The following ANAPC11 variants were observed in gnomAD, a reference collection of about 807,000 sequenced individuals.
ANAPC11 encodes the protein anaphase-promoting complex subunit 11.
Under a neutral mutation model 11.8 loss-of-function variants are expected in ANAPC11, and 5 were observed. The ratio of observed to expected loss-of-function variants is 0.42; its 90% CI spans 0.22 to 0.89. ANAPC11 has a LOEUF of 0.89. ANAPC11 is among the 40% of genes least tolerant of loss of function. The pLI is 0.28. For synonymous variants in ANAPC11, 45 were observed against 41.0 expected (o/e 1.10, Z -0.38); for missense variants, 68 against 112.9 (o/e 0.60, Z 1.80).
Position 81,891,741 on chromosome 17 carries a change from G to T in ANAPC11, c.-175G>T. On this transcript the variant is annotated 5_prime_UTR_variant, in exon 1 of 4. Transcript: ENST00000344877. Reference sequence around the variant, plus strand: ...GAGGCGCGTGCGCACTGGCGTGCGAGACTCGGCGGGCGCTGTTGAGGGAGT... The same window carrying T: ...GAGGCGCGTGCGCACTGGCGTGCGATACTCGGCGGGCGCTGTTGAGGGAGT... 3.8e-6 allele frequency: 2 copies of T among 520,164 alleles called. No homozygotes were observed. The highest frequency in any genetic ancestry group is 5.6e-6 in the Non-Finnish European group (2 of 360,182). The allele number at this position is 520,164 out of a possible 1,614,324, so 32.2% of individuals were successfully genotyped here.
upstream of ANAPC11, chr17:81,891,502 G>C (rs1487835625): frequency 3.9e-6 from 5 of 1,286,456 alleles, no homozygotes; most frequent in Admixed American, 5.7e-5. Context: ...CGGCCGCCTC[G>C]CTGGCTCCGG....
At chr17:81,891,446 G>A, upstream of ANAPC11, 4 of 1,021,196 alleles carry the variant, frequency 3.9e-6, no homozygotes, top group Non-Finnish European at 4.7e-6. Context: ...CCCCACCGCC[G>A]CGGCCGCCCT....
At chr17:81,891,371 G>A (rs1170218058), upstream of ANAPC11, 1 of 1,145,312 alleles carries the variant, frequency 8.7e-7, no homozygotes, top group Non-Finnish European at 1.1e-6. Flanking sequence ...CGGCCGCGCC[G>A]CGGGCGATGG....
At chr17:81,891,306 C>G, upstream of ANAPC11, 1 of 1,135,132 alleles carries the variant, frequency 8.8e-7, no homozygotes, top group South Asian at 3.9e-5. Flanking sequence ...TCCGGCGCGG[C>G]CGGCCTCCGC....
At chr17:81,891,227 T>C (rs1037808310), upstream of ANAPC11, 1 of 982,702 alleles carries the variant, frequency 1.0e-6, no homozygotes, top group Non-Finnish European at 1.2e-6. Context: ...ACCAGCCTTA[T>C]CCACCCGCCG....
intron 3 of ANAPC11, chr17:81,899,192 C>A: frequency 6.4e-7 from 1 of 1,562,206 alleles, no homozygotes; most frequent in Admixed American, 1.7e-5. Context: ...AGATCAGGGA[C>A]ACTCATTTCT....
intron 1 of ANAPC11, chr17:81,893,228 G>A (rs113130670): frequency 0.019 from 2,906 of 152,294 alleles, 38 homozygotes; most frequent in Non-Finnish European, 0.031. Flanking sequence ...GAGTAGCTGG[G>A]ATTACAGTTG....
At position 81,900,092 on chromosome 17, in the gene ANAPC11, G is replaced by A; in HGVS notation, c.*27G>A. The stretch of plus-strand genomic sequence containing the variant: ...GCCCGACCTGGCTCTCGCTGGAGGG[G>A]CATCCTGAGACTCCTTCCTCATGCT... On this transcript the variant is annotated 3_prime_UTR_variant, in exon 4 of 4. Transcript: ENST00000344877. 3 of 1,611,054 alleles carry A rather than the reference G, an allele frequency of 1.9e-6. No individual in the cohort carries two copies. The highest frequency in any genetic ancestry group is 1.6e-4 in the Middle Eastern group (1 of 6,062).
intron 3 of ANAPC11, among the ~76,000 whole-genome samples, chr17:81,897,377 G>A (rs550556039): frequency 1.4e-4 from 22 of 152,158 alleles, no homozygotes; most frequent in African/African-American, 4.8e-4. Context: ...CAGGTGATCC[G>A]TCCACCTCGG....
At chr17:81,897,848 C>T (rs2039795291) in intron 3 of ANAPC11, among the ~76,000 whole-genome samples, 1 of 152,124 alleles carries the variant, frequency 6.6e-6, no homozygotes. Flanking sequence ...CCAGGCTGGT[C>T]TCAAACTCTT....
At chr17:81,893,755 C>CTTTTTT (rs751340381) in intron 2 of ANAPC11, 141 bp downstream of exon 2, 2 of 123,790 alleles carry the variant, frequency 1.6e-5, no homozygotes, top group African/African-American at 6.2e-5. Flanking sequence ...CTTTTTTTTC[C>CTTTTTT]TTTTTTTTTT....
At chr17:81,895,415 A>G (rs900422428) in intron 3 of ANAPC11, among the ~76,000 whole-genome samples, 2 of 152,176 alleles carry the variant, frequency 1.3e-5, no homozygotes, top group Admixed American at 6.5e-5. Flanking sequence ...GTTGGTACCC[A>G]TGTTTATATA....
At chr17:81,890,878 AC>A, upstream of ANAPC11, 1 of 1,610,998 alleles carries the variant, frequency 6.2e-7, no homozygotes, top group Admixed American at 1.7e-5. Context: ...GGCTTTCCTG[AC>A]CCTCACGGCT....
chr17:81,898,895 C>T (rs187159746), intron 3 of ANAPC11: 9 of 338,122 alleles, frequency 2.7e-5, no homozygotes, highest in Middle Eastern at 8.5e-4. Context: ...AGGCCTCCCC[C>T]GAGTACTCAG....
Position 81,899,910 on chromosome 17 carries a change from C to T in ANAPC11, c.110-10C>T, listed in dbSNP as rs778928428. 15 of 1,604,920 alleles carry T rather than the reference C, an allele frequency of 9.3e-6. No homozygotes were observed. Among genetic ancestry groups the T allele is most frequent in the Admixed American group, 1.7e-5 (1 of 59,756 alleles). On this transcript the variant is annotated splice_polypyrimidine_tract_variant and intron_variant, in intron 3 of 3. Transcript: ENST00000344877. ...TCATGCCTGTCCTTTTCCCCACCTC[C>T]CCTCCGTAGGCAAGGTGCCCGGCGA...
chr17:81,895,878 A>C (rs1364216459), intron 3 of ANAPC11, among the ~76,000 whole-genome samples: 1 of 151,574 alleles, frequency 6.6e-6, no homozygotes, highest in Admixed American at 6.6e-5. Context: ...GAGGCAGGAG[A>C]ATCTCTTGAG....
chr17:81,899,399 T>G (rs750990094), intron 3 of ANAPC11: 1 of 1,613,868 alleles, frequency 6.2e-7, no homozygotes, highest in Admixed American at 1.7e-5. Flanking sequence ...AAGAGTCTTC[T>G]AGGTCCCCAG....
Position 81,891,731 on chromosome 17 carries a change from T to C in ANAPC11, c.-185T>C, listed in dbSNP as rs1365678041. 4.9e-6 allele frequency: 3 copies of C among 612,330 alleles called. No individual in the cohort carries two copies. The highest frequency in any genetic ancestry group is 6.7e-6 in the Non-Finnish European group (3 of 445,984). The allele number at this position is 612,330 out of a possible 1,614,324, so 37.9% of individuals were successfully genotyped here. A position where few individuals can be genotyped will look rare whatever the true frequency, so the allele number is the denominator to read the frequency against. On this transcript the variant is annotated 5_prime_UTR_variant, in exon 1 of 4. Coordinates refer to ENST00000344877, the MANE Select transcript of ANAPC11 (RefSeq NM_001002248.3). ...GTGAGGCGGGGAGGCGCGTGCGCAC[T>C]GGCGTGCGAGACTCGGCGGGCGCTG...
rs748609887 is a variant in ANAPC11, at chr17:81,896,835, T to TA, written c.109+2250dup. Among the ~76,000 whole-genome samples, 228 of 107,778 alleles carry TA rather than the reference T, an allele frequency of 2.1e-3. 1 individual carries two copies. The highest frequency in any genetic ancestry group is 3.6e-3 in the Admixed American group (25 of 7,036). 70.7% of individuals were successfully genotyped at this position (107,778 alleles called of 152,430 possible). A position where few individuals can be genotyped will look rare whatever the true frequency, so the allele number is the denominator to read the frequency against. On this transcript the variant is annotated intron_variant, in intron 3 of 3. Transcript: ENST00000344877. ...TTTTTTTTTTTTTTTTTTTTTGAGA[T>TA]AGAGTCTTGCCCTGTTGCTCAGACT...
Sources: allele counts gnomAD v4.1 joint callset (sites outside exome capture counted in the v4.1 genomes callset), GRCh38; gene constraint gnomAD v4.1.1; transcripts MANE v1.5; gene names NCBI Gene and HGNC (gene_info 2026-07-23, HGNC 2026-07-21).